Variants in LGSN observed in about 807,000 individuals in gnomAD.
LGSN encodes lengsin, lens protein with glutamine synthetase domain.
In LGSN, 21 loss-of-function variants were observed where a neutral mutation model predicts 19.5. The observed-to-expected ratio is 1.07, with a 90% CI of 0.76 to 1.55. The LOEUF (loss-of-function observed/expected upper bound fraction) is 1.55. Among genes scored for constraint, LGSN ranks in the 40% most tolerant of loss-of-function variants. The pLI, the probability that LGSN is intolerant of heterozygous loss-of-function variation, is 0.00. For synonymous variants in LGSN, 257 were observed against 215.6 expected (o/e 1.19, Z -1.68); for missense variants, 673 against 608.5 (o/e 1.11, Z -1.12).
At position 63,308,059 on chromosome 6, in the gene LGSN, T is replaced by TA. The variant is rs1173800702; in HGVS notation, c.30+11854dup. On this transcript the variant is annotated intron_variant, in intron 1 of 3. Coordinates refer to ENST00000370657, the MANE Select transcript of LGSN (RefSeq NM_016571.3). ...TTTCAGCTGAAGATAGGGAGTGAGG[T>TA]AAACCAGGCTGGAAGAATCATGAGC... Among the ~76,000 whole-genome samples, 21 of 152,296 alleles carry TA rather than the reference T, an allele frequency of 1.4e-4. No individual in the cohort carries two copies. The South Asian group carries it at 4.4e-3, about 32-fold the overall frequency.
chr6:63,463,198 C>T, the LGSN span, among the ~76,000 whole-genome samples: 7 of 152,090 alleles, frequency 4.6e-5, no homozygotes, highest in Non-Finnish European at 8.8e-5. Context: ...ATTGTGCCTA[C>T]CTCATAGAGT....
intron 1 of LGSN, among the ~76,000 whole-genome samples, chr6:63,298,068 T>C (rs985530230): frequency 3.9e-5 from 6 of 152,206 alleles, no homozygotes; most frequent in African/African-American, 1.4e-4. Flanking sequence ...GACTCTTGAA[T>C]TGTTCTTTAA....
Position 63,285,621 on chromosome 6 carries a change from G to A in LGSN, c.296C>T (p.Ser99Phe), listed in dbSNP as rs963495245. ...RFEATDLHGV[S>F]RSKTIPAHFF... Reference sequence around the variant, plus strand: ...GTGTGCAGGGATAGTCTTAGACCTGGACACGCCGTGGAGGTCTGTTGCTTC... The same window carrying A: ...GTGTGCAGGGATAGTCTTAGACCTGAACACGCCGTGGAGGTCTGTTGCTTC... Residue 99 changes from serine to phenylalanine, a missense_variant, in exon 3 of 4, where the codon TCC becomes TTC. By Grantham distance (155) the Ser-to-Phe change is radical. Transcript: ENST00000370657. The A allele has an allele frequency of 1.2e-6, 2 of 1,613,940 alleles. No homozygotes were observed. The highest frequency in any genetic ancestry group is 2.7e-5 in the African/African-American group (2 of 74,894).
the LGSN span, among the ~76,000 whole-genome samples, chr6:63,498,666 A>G: frequency 2.6e-5 from 4 of 152,146 alleles, no homozygotes; most frequent in Non-Finnish European, 5.9e-5. Flanking sequence ...AGGACAGGAC[A>G]GTGAAGCAAT....
At chr6:63,432,179 G>GGGAAAGAAAGA in the LGSN span, among the ~76,000 whole-genome samples, 23 of 113,648 alleles carry the variant, frequency 2.0e-4, 1 homozygote, top group South Asian at 6.1e-4. Context: ...GAAAAGGAAA[G>GGGAAAGAAAGA]AAAGAAAAGA....
At chr6:63,441,597 C>A in the LGSN span, 8 of 450,342 alleles carry the variant, frequency 1.8e-5, no homozygotes, top group African/African-American at 1.6e-4. Flanking sequence ...GGCAAAGCAG[C>A]GAGCTAAGGA....
chr6:63,319,450 T>C (rs1271780350), intron 1 of LGSN, among the ~76,000 whole-genome samples: 2 of 152,228 alleles, frequency 1.3e-5, no homozygotes, highest in Non-Finnish European at 1.5e-5. Flanking sequence ...TTTTAATATA[T>C]GCTAGACCCT....
At chr6:63,441,885 G>T in the LGSN span, 1 of 267,578 alleles carries the variant, frequency 3.7e-6, no homozygotes, top group Non-Finnish European at 7.2e-6. Context: ...CTGCCCCTTT[G>T]TGTCCGGAAT....
chr6:63,569,553 T>C, the LGSN span, among the ~76,000 whole-genome samples: 1 of 152,256 alleles, frequency 6.6e-6, no homozygotes, highest in Admixed American at 6.5e-5. Context: ...CATGAGCCTG[T>C]ATGCCACCAT....
chr6:63,402,758 A>G, the LGSN span, among the ~76,000 whole-genome samples: 1,868 of 152,258 alleles, frequency 0.012, 16 homozygotes, highest in Non-Finnish European at 0.021. Flanking sequence ...TTGGGCAAAC[A>G]CCAACCTTAA....
At chr6:63,328,017 C>A in the LGSN span, among the ~76,000 whole-genome samples, 3 of 152,320 alleles carry the variant, frequency 2.0e-5, no homozygotes, top group East Asian at 5.8e-4. Context: ...CATATCGCAG[C>A]ATGGGCATGT....
chr6:63,435,945 A>G, the LGSN span, among the ~76,000 whole-genome samples: 6 of 148,612 alleles, frequency 4.0e-5, no homozygotes, highest in African/African-American at 9.9e-5. Flanking sequence ...CACTATTCCC[A>G]CTTCCTAACT....
chr6:63,320,057 GC>G (rs1769032666), upstream of LGSN: 1 of 821,504 alleles, frequency 1.2e-6, no homozygotes, highest in African/African-American at 1.7e-5. Flanking sequence ...TTCCATAGAG[GC>G]TTTTCCAGAG....
At chr6:63,305,353 G>A (rs978359454) in intron 1 of LGSN, among the ~76,000 whole-genome samples, 4 of 152,104 alleles carry the variant, frequency 2.6e-5, no homozygotes, top group Non-Finnish European at 4.4e-5. Flanking sequence ...TGAGAGTGAC[G>A]TCAATGCCTA....
At chr6:63,380,059 G>A in the LGSN span, among the ~76,000 whole-genome samples, 4 of 151,982 alleles carry the variant, frequency 2.6e-5, no homozygotes, top group Non-Finnish European at 5.9e-5. Flanking sequence ...GGCTGGTCTC[G>A]AACTCCTGAC....
At chr6:63,322,539 T>C (rs951385581), upstream of LGSN, among the ~76,000 whole-genome samples, 2 of 152,208 alleles carry the variant, frequency 1.3e-5, no homozygotes, top group Non-Finnish European at 2.9e-5. Flanking sequence ...TCCTCCTTTA[T>C]ATGCATCTAA....
chr6:63,308,133 A>T (rs1160450169), intron 1 of LGSN, among the ~76,000 whole-genome samples: 2 of 152,208 alleles, frequency 1.3e-5, no homozygotes, highest in Non-Finnish European at 2.9e-5. Context: ...ATAAATATAT[A>T]CATTTAATTC....
chr6:63,437,080 GGGGAAGGGAAGGGA>G, the LGSN span, among the ~76,000 whole-genome samples: 1 of 143,220 alleles, frequency 7.0e-6, no homozygotes, highest in South Asian at 2.3e-4. Context: ...GGGGAGGGGA[GGGGAAGGGAAGGGA>G]GGGAAGGGAG....
the LGSN span, among the ~76,000 whole-genome samples, chr6:63,459,467 T>C: frequency 5.3e-5 from 8 of 152,208 alleles, no homozygotes; most frequent in African/African-American, 1.9e-4. Context: ...GTTGACTAAG[T>C]TGGTCTTGAA....
Sources: allele counts gnomAD v4.1 joint callset (sites outside exome capture counted in the v4.1 genomes callset), GRCh38; gene constraint gnomAD v4.1.1; transcripts MANE v1.5; gene names NCBI Gene and HGNC (gene_info 2026-07-23, HGNC 2026-07-21).